Variants in CHLSN observed in about 807,000 individuals in gnomAD.
CHLSN encodes cholesin.
chr7:1,072,738 C>A, the CHLSN span, among the ~76,000 whole-genome samples: 1 of 140,752 alleles, frequency 7.1e-6, no homozygotes, highest in South Asian at 2.2e-4. Flanking sequence ...GGCTAGAGTG[C>A]AGTGGCGCAA....
the CHLSN span, among the ~76,000 whole-genome samples, chr7:1,001,531 G>T: frequency 6.9e-6 from 1 of 144,666 alleles, no homozygotes; most frequent in Non-Finnish European, 1.5e-5. Flanking sequence ...GGAATCCTGT[G>T]GGTGGGGAGT....
At chr7:987,846 T>TG in the CHLSN span, among the ~76,000 whole-genome samples, 17 of 147,866 alleles carry the variant, frequency 1.1e-4, no homozygotes, top group East Asian at 2.0e-4. Flanking sequence ...CTCTGTATCC[T>TG]GGGGGGGTCC....
the CHLSN span, among the ~76,000 whole-genome samples, chr7:1,122,291 G>A: frequency 3.3e-5 from 5 of 152,240 alleles, no homozygotes; most frequent in Non-Finnish European, 7.3e-5. Context: ...GAAGCCAGGG[G>A]GGTTCTGCTG....
the CHLSN span, among the ~76,000 whole-genome samples, chr7:1,073,202 TCA>T: frequency 0.024 from 3,666 of 152,224 alleles, 53 homozygotes; most frequent in Non-Finnish European, 0.029. Flanking sequence ...CTCTGCAGCT[TCA>T]CACACAGGAA....
At chr7:986,660 C>G in the CHLSN span, 1 of 1,612,610 alleles carries the variant, frequency 6.2e-7, no homozygotes, top group African/African-American at 1.3e-5. Flanking sequence ...GGCCCTGCTC[C>G]AGCTGCACCG....
the CHLSN span, among the ~76,000 whole-genome samples, chr7:1,107,524 C>T: frequency 2.0e-5 from 3 of 152,188 alleles, no homozygotes; most frequent in Non-Finnish European, 4.4e-5. Flanking sequence ...CAGAATTCGC[C>T]GTGGCTTCCA....
the CHLSN span, among the ~76,000 whole-genome samples, chr7:1,119,521 C>G: frequency 6.6e-6 from 1 of 152,166 alleles, no homozygotes; most frequent in East Asian, 1.9e-4. Context: ...ACTTCCCAGA[C>G]ACACTAGGAT....
At chr7:1,097,034 G>A in the CHLSN span, among the ~76,000 whole-genome samples, 6 of 152,210 alleles carry the variant, frequency 3.9e-5, no homozygotes, top group South Asian at 2.1e-4. This position sits in a 1 kb window ranked among gnomAD's most constrained non-coding sequence, Gnocchi z 4.3. Flanking sequence ...CAGCAGAGGC[G>A]GGAGACAGGG....
chr7:1,105,707 C>T, the CHLSN span, among the ~76,000 whole-genome samples: 3 of 151,892 alleles, frequency 2.0e-5, no homozygotes, highest in African/African-American at 4.8e-5. Flanking sequence ...CTCCGCCTCA[C>T]GGGTTCAGGC....
the CHLSN span, among the ~76,000 whole-genome samples, chr7:1,072,847 C>G: frequency 2.6e-5 from 4 of 152,052 alleles, no homozygotes; most frequent in African/African-American, 4.8e-5. Flanking sequence ...CCACGCCTGG[C>G]TAATTTTTGT....
At chr7:1,074,467 G>A in the CHLSN span, 6 of 151,834 alleles carry the variant, frequency 4.0e-5, no homozygotes, top group African/African-American at 1.5e-4. Flanking sequence ...GGAACCCAGG[G>A]GACAGGACTG....
chr7:1,007,606 G>T, the CHLSN span, among the ~76,000 whole-genome samples: 1 of 152,314 alleles, frequency 6.6e-6, no homozygotes, highest in East Asian at 1.9e-4. Context: ...CGGGGTGCCC[G>T]TGTCTGTGGC....
At chr7:1,112,702 G>A in the CHLSN span, among the ~76,000 whole-genome samples, 3 of 146,678 alleles carry the variant, frequency 2.0e-5, no homozygotes, top group Admixed American at 6.7e-5. Flanking sequence ...TGATCCAAAT[G>A]GCTAAAAAAA....
At chr7:1,103,282 T>A in the CHLSN span, among the ~76,000 whole-genome samples, 1 of 152,186 alleles carries the variant, frequency 6.6e-6, no homozygotes, top group African/African-American at 2.4e-5. Context: ...CTTCATCCCC[T>A]GGGCTGAGAT....
At chr7:1,104,565 C>T in the CHLSN span, among the ~76,000 whole-genome samples, 4 of 152,158 alleles carry the variant, frequency 2.6e-5, no homozygotes, top group African/African-American at 9.7e-5. Flanking sequence ...ACTGTGTTCC[C>T]GAGGGGCCCA....
At chr7:1,065,830 G>A in the CHLSN span, among the ~76,000 whole-genome samples, 1 of 152,206 alleles carries the variant, frequency 6.6e-6, no homozygotes, top group Non-Finnish European at 1.5e-5. Flanking sequence ...TTCAGGACAC[G>A]CAGTAAGATT....
At chr7:994,494 C>T in the CHLSN span, among the ~76,000 whole-genome samples, 1 of 152,026 alleles carries the variant, frequency 6.6e-6, no homozygotes, top group African/African-American at 2.4e-5. Context: ...GATGCCGGCT[C>T]TTGCTGTGGT....
At chr7:1,096,131 C>T in the CHLSN span, among the ~76,000 whole-genome samples, 1 of 152,226 alleles carries the variant, frequency 6.6e-6, no homozygotes, top group Non-Finnish European at 1.5e-5. The surrounding 1 kb of genome is among the most constrained non-coding windows in gnomAD (Gnocchi z 4.6). Flanking sequence ...CCTGCCCGCA[C>T]CAGACACCGC....
the CHLSN span, among the ~76,000 whole-genome samples, chr7:1,109,855 C>CA: frequency 6.6e-6 from 1 of 152,176 alleles, no homozygotes; most frequent in Non-Finnish European, 1.5e-5. Context: ...CCAGCAAAGA[C>CA]ATCTCTCTGT....
Sources: gnomAD v4.1 joint callset for allele counts (sites outside exome capture counted in the v4.1 genomes callset) on GRCh38, gnomAD v4.1.1 for gene constraint, Gnocchi (gnomAD v3.1) non-coding constraint, MANE v1.5 for transcripts, NCBI Gene and HGNC (gene_info 2026-07-23, HGNC 2026-07-21) for gene names.